RAB27B: variants seen among roughly 807,000 people sequenced by gnomAD.
RAB27B encodes the protein ras-related protein Rab-27B.
In RAB27B, 15 loss-of-function variants were observed where a neutral mutation model predicts 24.6. The observed-to-expected ratio is 0.61, with a 90% CI of 0.41 to 0.94. The LOEUF (loss-of-function observed/expected upper bound fraction) is 0.94. Ranked by LOEUF, RAB27B falls within the 40% of genes least tolerant of loss-of-function variation. The pLI, the probability that RAB27B is intolerant of heterozygous loss-of-function variation, is 0.00. For missense variants in RAB27B, 261 were observed against 266.8 expected (o/e 0.98, Z 0.15); for synonymous variants, 105 against 92.5 (o/e 1.14, Z -0.78).
intron 1 of RAB27B, among the ~76,000 whole-genome samples, chr18:54,841,776 C>A (rs960693604): frequency 1.3e-5 from 2 of 152,140 alleles, no homozygotes; most frequent in African/African-American, 4.8e-5. Flanking sequence ...TTGATTGCAC[C>A]TTAATAATTT....
At chr18:54,850,492 A>T (rs1911537251) in intron 1 of RAB27B, among the ~76,000 whole-genome samples, 1 of 150,770 alleles carries the variant, frequency 6.6e-6, no homozygotes, top group Non-Finnish European at 1.5e-5. Flanking sequence ...TCAGCCTCCC[A>T]AATAGCTGGG....
At chr18:54,825,774 G>C (rs1335583487), upstream of RAB27B, among the ~76,000 whole-genome samples, 1 of 152,160 alleles carries the variant, frequency 6.6e-6, no homozygotes, top group Non-Finnish European at 1.5e-5. Context: ...TTGGTTGATT[G>C]TGTGACAGTG....
At chr18:54,763,958 A>C (rs1833307) in intron 2 of RAB27B, among the ~76,000 whole-genome samples, 78,722 of 151,962 alleles carry the variant, frequency 0.52, 21,678 homozygotes, top group Middle Eastern at 0.62. Context: ...TTATCTGTGG[A>C]ATTTGTCACC....
intron 2 of RAB27B, among the ~76,000 whole-genome samples, chr18:54,724,503 A>G (rs1909467724): frequency 6.6e-6 from 1 of 151,182 alleles, no homozygotes. Flanking sequence ...GCAGGGGGAT[A>G]ACTTGAGATC....
upstream of RAB27B, among the ~76,000 whole-genome samples, chr18:54,825,741 T>A (rs150302206): frequency 1.4e-4 from 22 of 152,332 alleles, 1 homozygote; most frequent in East Asian, 3.9e-3. Context: ...GAAGCTGGAT[T>A]GAGCAGATGG....
At chr18:54,792,905 G>A (rs928974597) in intron 2 of RAB27B, among the ~76,000 whole-genome samples, 2 of 152,146 alleles carry the variant, frequency 1.3e-5, no homozygotes, top group African/African-American at 4.8e-5. Context: ...CCTCAGTTTT[G>A]ACTGTAGGGG....
chr18:54,767,861 G>A (rs1908412881), intron 2 of RAB27B, among the ~76,000 whole-genome samples: 1 of 152,200 alleles, frequency 6.6e-6, no homozygotes, highest in Non-Finnish European at 1.5e-5. Context: ...TAATCAGATT[G>A]TAAAGGGATG....
intron 2 of RAB27B, among the ~76,000 whole-genome samples, chr18:54,727,800 C>T (rs760202260): frequency 6.6e-6 from 1 of 152,150 alleles, no homozygotes; most frequent in Admixed American, 6.6e-5. Flanking sequence ...TGTTTCGTTT[C>T]AGCATCAGTG....
Position 54,893,915 on chromosome 18 carries a change from T to G in RAB27B, c.*4502T>G, listed in dbSNP as rs975770100. 6.6e-6 allele frequency: 1 copy of G among 151,984 alleles called. No homozygotes were observed. Among genetic ancestry groups the G allele is most frequent in the African/African-American group, 2.4e-5 (1 of 41,428 alleles). 9.4% of individuals were successfully genotyped at this position (151,984 alleles called of 1,614,324 possible). On this transcript the variant is annotated 3_prime_UTR_variant, in exon 6 of 6. Coordinates refer to ENST00000262094, the MANE Select transcript of RAB27B (RefSeq NM_004163.4). ...GACCTAGTAACAGATAGTTTTTTTT[T>G]GTTCATTTTCTTCTACCAAGTAGAG...
chr18:54,881,887 G>C (rs1912940426), intron 3 of RAB27B, among the ~76,000 whole-genome samples: 1 of 152,086 alleles, frequency 6.6e-6, no homozygotes, highest in Admixed American at 6.6e-5. Context: ...ATACGCTCTG[G>C]GCAATGAGAG....
intron 2 of RAB27B, among the ~76,000 whole-genome samples, chr18:54,748,473 AC>A (rs1302652651): frequency 6.6e-6 from 1 of 152,218 alleles, no homozygotes; most frequent in Non-Finnish European, 1.5e-5. Context: ...ACTCCCTAAA[AC>A]AGTGTGGTCC....
At chr18:54,733,562 T>A (rs960709144) in intron 2 of RAB27B, among the ~76,000 whole-genome samples, 1 of 151,688 alleles carries the variant, frequency 6.6e-6, no homozygotes, top group Admixed American at 6.6e-5. Context: ...TCTTCTTTTC[T>A]AAGGCTAGGA....
upstream of RAB27B, among the ~76,000 whole-genome samples, chr18:54,825,815 A>G (rs527803355): frequency 2.6e-5 from 4 of 152,292 alleles, no homozygotes; most frequent in South Asian, 4.1e-4. Flanking sequence ...AAGCATTCCA[A>G]TATACAGACG....
chr18:54,825,333 G>C (rs114628185), upstream of RAB27B, among the ~76,000 whole-genome samples: 2 of 152,098 alleles, frequency 1.3e-5, no homozygotes, highest in Admixed American at 6.5e-5. Context: ...TTTCCTGGAC[G>C]TTTAGTGAAA....
At chr18:54,769,434 T>G (rs773400636) in intron 2 of RAB27B, among the ~76,000 whole-genome samples, 2 of 144,880 alleles carry the variant, frequency 1.4e-5, no homozygotes, top group African/African-American at 2.5e-5. Flanking sequence ...GCCTCTTTTA[T>G]TGTTTGTCCA....
At chr18:54,743,871 G>A (rs1015333961) in intron 2 of RAB27B, among the ~76,000 whole-genome samples, 7 of 152,210 alleles carry the variant, frequency 4.6e-5, no homozygotes, top group Non-Finnish European at 1.0e-4. Context: ...TCACTTGAGT[G>A]CCCTTAGGAA....
At chr18:54,738,567 G>A (rs1015531730) in intron 2 of RAB27B, among the ~76,000 whole-genome samples, 1 of 152,112 alleles carries the variant, frequency 6.6e-6, no homozygotes, top group African/African-American at 2.4e-5. Flanking sequence ...GCAGAACTGT[G>A]AGTCAATTAA....
rs1342865103 is a variant in RAB27B at position 54,893,972 on chromosome 18, T to C, written c.*4559T>C. ...GCCCTCAGAACTAAACTAGTAAAAA[T>C]ATCTGAACAAAAAACCTTTCGTTGT... On this transcript the variant is annotated 3_prime_UTR_variant, in exon 6 of 6. Transcript: ENST00000262094. 1 of 151,894 alleles carries C rather than the reference T, an allele frequency of 6.6e-6. No individual in the cohort carries two copies. Among genetic ancestry groups the C allele is most frequent in the Non-Finnish European group, 1.5e-5 (1 of 67,892 alleles). The allele number at this position is 151,894 out of a possible 1,614,324, so 9.4% of individuals were successfully genotyped here. A position where few individuals can be genotyped will look rare whatever the true frequency, so the allele number is the denominator to read the frequency against.
At chr18:54,823,496 G>T (rs939931631), upstream of RAB27B, among the ~76,000 whole-genome samples, 2 of 152,182 alleles carry the variant, frequency 1.3e-5, no homozygotes, top group African/African-American at 4.8e-5. Flanking sequence ...AGTGACTCAT[G>T]CTACTAAAGA....
Sources: allele counts gnomAD v4.1 joint callset (sites outside exome capture counted in the v4.1 genomes callset), GRCh38; gene constraint gnomAD v4.1.1; transcripts MANE v1.5; gene names NCBI Gene and HGNC (gene_info 2026-07-23, HGNC 2026-07-21).